Variants in TIAM1 observed in about 807,000 individuals in gnomAD.
The protein encoded by TIAM1 is rho guanine nucleotide exchange factor TIAM1.
Under a neutral mutation model 163.5 loss-of-function variants are expected in TIAM1, and 65 were observed. The observed-to-expected ratio is 0.40, with a 90% CI of 0.33 to 0.49. The LOEUF is 0.49. Among genes scored for constraint, TIAM1 ranks in the 20% least tolerant of loss-of-function variants. TIAM1 has a pLI of 0.77. For missense variants in TIAM1, 1,789 were observed against 2,044.7 expected (o/e 0.87, Z 2.41); for synonymous variants, 833 against 810.1 (o/e 1.03, Z -0.48).
chr21:31,246,158 G>A (rs1042064364), intron 5 of TIAM1, among the ~76,000 whole-genome samples: 12 of 151,970 alleles, frequency 7.9e-5, no homozygotes, highest in Admixed American at 3.9e-4. Flanking sequence ...TAATACCAGC[G>A]TTAAGTACTT....
intron 22 of TIAM1, among the ~76,000 whole-genome samples, chr21:31,139,433 A>C (rs554866455): frequency 4.6e-5 from 7 of 152,314 alleles, no homozygotes; most frequent in African/African-American, 1.7e-4. Context: ...AAAGCATTAA[A>C]ATTCTGTGAT....
chr21:31,256,588 TACACACACACACACACAC>T (rs5030999), intron 4 of TIAM1, among the ~76,000 whole-genome samples: 3 of 128,242 alleles, frequency 2.3e-5, no homozygotes, highest in Admixed American at 8.1e-5. Flanking sequence ...TACCCCTCAC[TACACACACACACACACAC>T]ACACACACAC....
intron 11 of TIAM1, 99 bp downstream of exon 11, chr21:31,209,946 T>C (rs1301986570): frequency 1.5e-6 from 2 of 1,348,552 alleles, no homozygotes; most frequent in South Asian, 1.5e-5. Flanking sequence ...TTTAAGCACC[T>C]TCCTCTCCCA....
intron 2 of TIAM1, chr21:31,452,943 T>C: frequency 1.9e-6 from 1 of 516,120 alleles, no homozygotes; most frequent in Non-Finnish European, 3.9e-6. Flanking sequence ...GGAAGATGCG[T>C]TCTACAAAGG....
At chr21:31,320,149 CA>C (rs2075265124) in intron 2 of TIAM1, among the ~76,000 whole-genome samples, 1 of 151,950 alleles carries the variant, frequency 6.6e-6, no homozygotes, top group Non-Finnish European at 1.5e-5. Flanking sequence ...ATCATCAACC[CA>C]AAACAGGAAT....
In TIAM1 at chr21:31,157,147, C is replaced by T. The variant is rs146733551; in HGVS notation, c.2992-2721G>A. Reference sequence around the variant, plus strand: ...TTTCTGGTCAAAGAAAAAATCACCACGCTTCTAAATAAAGACCAAAAGACT... The same window carrying T: ...TTTCTGGTCAAAGAAAAAATCACCATGCTTCTAAATAAAGACCAAAAGACT... On this transcript the variant is annotated intron_variant, in intron 16 of 27. Transcript: ENST00000541036. 3.1e-3 allele frequency among the ~76,000 whole-genome samples: 465 copies of T among 152,300 alleles called. 2 individuals carry two copies. Among genetic ancestry groups the T allele is most frequent in the African/African-American group, 0.01 (419 of 41,562 alleles).
chr21:31,214,832 G>A (rs1174912535), intron 9 of TIAM1, among the ~76,000 whole-genome samples: 2 of 151,916 alleles, frequency 1.3e-5, no homozygotes, highest in African/African-American at 4.8e-5. Context: ...TTGCTATGTT[G>A]CCCAGGCTGG....
At chr21:31,238,474 G>C (rs2071007061) in intron 6 of TIAM1, among the ~76,000 whole-genome samples, 1 of 152,088 alleles carries the variant, frequency 6.6e-6, no homozygotes, top group Admixed American at 6.5e-5. Context: ...GTGATCTATT[G>C]GGTATTTACA....
intron 18 of TIAM1, 142 bp downstream of exon 18, chr21:31,152,924 C>A: frequency 7.9e-7 from 1 of 1,259,528 alleles, no homozygotes. Context: ...CACACCAAAG[C>A]TTAGCAGGCA....
At chr21:31,295,469 C>CA (rs1215751004) in intron 2 of TIAM1, among the ~76,000 whole-genome samples, 3,501 of 65,982 alleles carry the variant, frequency 0.053, 205 homozygotes, top group African/African-American at 0.067. Context: ...GACTCCATCA[C>CA]AAAAAAAAAA....
In TIAM1 at chr21:31,344,245, C is replaced by G. The variant is rs1474955814; in HGVS notation, c.-476G>C. ...AGCCTTCCCCGGCTGCTGGCGGAGGCAGTGGGTGTAACTTGTGAAGTTTCG... is the reference window on the plus strand; with the variant it reads ...AGCCTTCCCCGGCTGCTGGCGGAGGGAGTGGGTGTAACTTGTGAAGTTTCG... On this transcript the variant is annotated 5_prime_UTR_variant, in exon 1 of 28. Transcript: ENST00000541036. The G allele has an allele frequency of 6.6e-6, 1 of 152,332 alleles. No homozygotes were observed. Among genetic ancestry groups the G allele is most frequent in the Non-Finnish European group, 1.5e-5 (1 of 68,060 alleles). The allele number at this position is 152,332 out of a possible 1,614,324, so 9.4% of individuals were successfully genotyped here. A position where few individuals can be genotyped will look rare whatever the true frequency, so the allele number is the denominator to read the frequency against.
In TIAM1 at chr21:31,173,528, GAGAA is replaced by G. The variant is rs1234798271; in HGVS notation, c.2888-8467_2888-8464del. Among the ~76,000 whole-genome samples the G allele has an allele frequency of 4.9e-3, 638 of 129,052 alleles. 6 individuals carry two copies. Among genetic ancestry groups the G allele is most frequent in the African/African-American group, 0.022 (618 of 27,928 alleles). The allele number at this position is 129,052 out of a possible 152,430, so 84.7% of individuals were successfully genotyped here. ...AAAGCAAGAAAGAAAGAGAGAGCGA[GAGAA>G]AGAGAGAGAGAGAGAGAGAGAAAAG... is the stretch of plus-strand genomic sequence containing the variant. On this transcript the variant is annotated intron_variant, in intron 15 of 27. Coordinates refer to ENST00000541036, the MANE Select transcript of TIAM1 (RefSeq NM_001353694.2).
chr21:31,218,738 G>A (rs762468436), intron 8 of TIAM1, among the ~76,000 whole-genome samples: 4 of 151,990 alleles, frequency 2.6e-5, no homozygotes, highest in Non-Finnish European at 5.9e-5. Context: ...CAATGGGAGG[G>A]GGCTTTCTGT....
At chr21:31,432,168 T>TCAACTCA (rs1339915240) in intron 2 of TIAM1, among the ~76,000 whole-genome samples, 3 of 137,852 alleles carry the variant, frequency 2.2e-5, no homozygotes, top group Non-Finnish European at 4.6e-5. Flanking sequence ...TGGCGTAATC[T>TCAACTCA]CAACTCACTG....
chr21:31,521,372 C>T (rs1232354158), intron 1 of TIAM1, among the ~76,000 whole-genome samples: 1 of 152,150 alleles, frequency 6.6e-6, no homozygotes, highest in Non-Finnish European at 1.5e-5. Flanking sequence ...AGCTGCATGA[C>T]CCTGGGCAAA....
intron 19 of TIAM1, 100 bp from the exon 20 acceptor site, chr21:31,147,103 C>G (rs1398935451): frequency 5.4e-6 from 5 of 927,920 alleles, no homozygotes; most frequent in Non-Finnish European, 8.7e-6. Context: ...GCCCACCCCA[C>G]AAATCAACAT....
intron 2 of TIAM1, among the ~76,000 whole-genome samples, chr21:31,456,409 T>C (rs1359263026): frequency 6.6e-6 from 1 of 152,186 alleles, no homozygotes; most frequent in Non-Finnish European, 1.5e-5. Flanking sequence ...AAGGGTGAGC[T>C]TCCTCGAGCT....
intron 2 of TIAM1, among the ~76,000 whole-genome samples, chr21:31,447,276 A>T (rs3787683): frequency 0.027 from 4,118 of 151,716 alleles, 60 homozygotes; most frequent in Non-Finnish European, 0.037. Context: ...TGGGAAAAAA[A>T]TTTTTTTTTA....
rs75421647 is a variant in TIAM1 at position 31,236,764 on chromosome 21, G to A, written c.1584+8724C>T. Among the ~76,000 whole-genome samples, 640 of 152,262 alleles carry A rather than the reference G, an allele frequency of 4.2e-3. 4 individuals carry two copies. The highest frequency in any genetic ancestry group is 0.014 in the African/African-American group (591 of 41,530). On this transcript the variant is annotated intron_variant, in intron 6 of 27. Transcript: ENST00000541036. ...TTAATAAAAGGAATTGACTCTAGAGGAAACAAGGACAACGGGAACCTCACT... is the reference window on the plus strand; with the variant it reads ...TTAATAAAAGGAATTGACTCTAGAGAAAACAAGGACAACGGGAACCTCACT...
Sources: gnomAD v4.1 joint callset for allele counts (sites outside exome capture counted in the v4.1 genomes callset) on GRCh38, gnomAD v4.1.1 for gene constraint, MANE v1.5 for transcripts, NCBI Gene and HGNC (gene_info 2026-07-23, HGNC 2026-07-21) for gene names.